The following TTC39B variants were observed in gnomAD, a reference collection of about 807,000 sequenced individuals.
The protein encoded by TTC39B is tetratricopeptide repeat domain 39B.
TTC39B carries 92 observed loss-of-function variants against 96.6 expected under a neutral mutation model. That is an observed-to-expected ratio of 0.95 (90% confidence interval 0.80 to 1.13). The LOEUF (loss-of-function observed/expected upper bound fraction) is 1.13, where lower values mean the gene tolerates loss of function less well. Among genes scored for constraint, TTC39B ranks in the 50% most tolerant of loss-of-function variants. The pLI, the probability that TTC39B is intolerant of heterozygous loss-of-function variation, is 0.00. For synonymous variants in TTC39B, 367 were observed against 299.4 expected, an observed-to-expected ratio of 1.23 and a Z score of -2.33; for missense variants, 955 against 809.3, an observed-to-expected ratio of 1.18 and a Z score of -2.18.
chr9:15,217,992 G>A (rs374353380), intron 3 of TTC39B, among the ~76,000 whole-genome samples: 7 of 151,806 alleles, frequency 4.6e-5, no homozygotes, highest in Non-Finnish European at 8.8e-5. Context: ...GGTGGATCAC[G>A]AGGTCAGGAG....
intron 7 of TTC39B, 75 bp downstream of exon 7, chr9:15,203,748 G>T: frequency 2.5e-6 from 3 of 1,201,460 alleles, no homozygotes; most frequent in Non-Finnish European, 2.4e-6. Context: ...CTTTGACATA[G>T]AATGCACCAC....
intron 1 of TTC39B, among the ~76,000 whole-genome samples, chr9:15,292,311 C>A (rs999397989): frequency 1.3e-5 from 2 of 152,182 alleles, no homozygotes; most frequent in Admixed American, 1.3e-4. Context: ...GTTCCTGTCG[C>A]CTAGTCACAG....
At chr9:15,183,744 G>T (rs1818373372) in intron 16 of TTC39B, among the ~76,000 whole-genome samples, 1 of 152,204 alleles carries the variant, frequency 6.6e-6, no homozygotes, top group Non-Finnish European at 1.5e-5. Context: ...GCTCTAATTG[G>T]TTAAGCAACA....
intron 14 of TTC39B, among the ~76,000 whole-genome samples, chr9:15,187,684 T>C (rs1818608004): frequency 6.6e-6 from 1 of 152,232 alleles, no homozygotes; most frequent in South Asian, 2.1e-4. Context: ...AGTATCAAAC[T>C]CCTGACCTCA....
At chr9:15,266,689 A>G (rs1312473431) in intron 2 of TTC39B, among the ~76,000 whole-genome samples, 3 of 152,158 alleles carry the variant, frequency 2.0e-5, no homozygotes, top group Admixed American at 1.3e-4. Context: ...CAAACCCCCA[A>G]TGTGATGGAA....
chr9:15,301,749 C>G (rs949632163), intron 1 of TTC39B, among the ~76,000 whole-genome samples: 1 of 149,442 alleles, frequency 6.7e-6, no homozygotes, highest in Admixed American at 6.6e-5. Context: ...GAGAGAGAGT[C>G]CATCTCAAAA....
intron 1 of TTC39B, among the ~76,000 whole-genome samples, chr9:15,292,909 A>G (rs1204622431): frequency 6.6e-6 from 1 of 152,242 alleles, no homozygotes; most frequent in African/African-American, 2.4e-5. Flanking sequence ...AAGGTTTATT[A>G]TTAAAGAAAA....
chr9:15,230,077 T>C (rs1405643554), intron 2 of TTC39B, among the ~76,000 whole-genome samples: 1 of 152,222 alleles, frequency 6.6e-6, no homozygotes, highest in Non-Finnish European at 1.5e-5. Context: ...TGCACTGATA[T>C]GCATGTACCC....
chr9:15,190,810 A>C, intron 10 of TTC39B, 148 bp from the exon 11 acceptor site: 1 of 686,358 alleles, frequency 1.5e-6, no homozygotes. Context: ...TAGTGTCCCT[A>C]TCACCGCAAG....
chr9:15,274,994 T>C (rs939249426), intron 1 of TTC39B, among the ~76,000 whole-genome samples: 11 of 152,186 alleles, frequency 7.2e-5, no homozygotes, highest in African/African-American at 2.6e-4. Context: ...AGTTCCCTGG[T>C]TGCTCTTGTG....
intron 6 of TTC39B, among the ~76,000 whole-genome samples, chr9:15,209,375 T>C (rs1216186255): frequency 6.6e-6 from 1 of 152,166 alleles, no homozygotes; most frequent in Non-Finnish European, 1.5e-5. Context: ...TGAATATTCC[T>C]AAATGTCCAC....
intron 1 of TTC39B, among the ~76,000 whole-genome samples, chr9:15,281,764 C>T (rs1361729844): frequency 6.6e-6 from 1 of 151,968 alleles, no homozygotes; most frequent in Non-Finnish European, 1.5e-5. Context: ...GCAATCTCCG[C>T]CCCCAGGTTC....
intron 16 of TTC39B, among the ~76,000 whole-genome samples, chr9:15,184,420 T>A (rs567797084): frequency 2.0e-4 from 28 of 143,192 alleles, no homozygotes; most frequent in East Asian, 1.0e-3. Flanking sequence ...ACTCTGAATT[T>A]AAAAAAAAAA....
At chr9:15,260,087 A>C (rs188693328) in intron 2 of TTC39B, among the ~76,000 whole-genome samples, 1 of 152,268 alleles carries the variant, frequency 6.6e-6, no homozygotes, top group Admixed American at 6.5e-5. Context: ...TATATATGAG[A>C]TATAAATTAA....
chr9:15,291,841 TG>T (rs1824200646), intron 1 of TTC39B, among the ~76,000 whole-genome samples: 1 of 152,154 alleles, frequency 6.6e-6, no homozygotes, highest in South Asian at 2.1e-4. Context: ...GGAAAGAACA[TG>T]GGCAAGCTTG....
intron 2 of TTC39B, among the ~76,000 whole-genome samples, chr9:15,252,510 T>C (rs1822600226): frequency 6.6e-6 from 1 of 151,978 alleles, no homozygotes; most frequent in Non-Finnish European, 1.5e-5. Flanking sequence ...TAGCCGGCCG[T>C]GGTGGCTTAT....
intron 17 of TTC39B, among the ~76,000 whole-genome samples, chr9:15,181,251 T>G (rs764198963): frequency 1.3e-5 from 2 of 152,216 alleles, no homozygotes; most frequent in Non-Finnish European, 2.9e-5. Flanking sequence ...TGAATTTCTA[T>G]GCCCTTTACC....
intron 8 of TTC39B, among the ~76,000 whole-genome samples, chr9:15,195,845 C>A (rs1344975768): frequency 2.0e-5 from 3 of 152,130 alleles, no homozygotes; most frequent in Non-Finnish European, 4.4e-5. Context: ...CTATCTAGAA[C>A]TTTCATATCT....
At chr9:15,280,194 G>A (rs542074110) in intron 1 of TTC39B, among the ~76,000 whole-genome samples, 5 of 152,106 alleles carry the variant, frequency 3.3e-5, no homozygotes, top group African/African-American at 1.2e-4. Flanking sequence ...CACCGTGCCC[G>A]GCCTGTAAAT....
Sources: gnomAD v4.1 joint callset for allele counts (sites outside exome capture counted in the v4.1 genomes callset) on GRCh38, gnomAD v4.1.1 for gene constraint, MANE v1.5 for transcripts, NCBI Gene and HGNC (gene_info 2026-07-23, HGNC 2026-07-21) for gene names.